Variants in DDX54 observed in about 807,000 individuals in gnomAD.
DDX54 encodes the protein DEAD-box helicase 54.
Under a neutral mutation model 105.5 loss-of-function variants are expected in DDX54, and 67 were observed. That is an observed-to-expected ratio of 0.64 (90% CI 0.52 to 0.78). The LOEUF is 0.78. DDX54 is among the 30% of genes least tolerant of loss of function. The pLI is 0.00. For missense variants in DDX54, 1,206 were observed against 1,230.5 expected (o/e 0.98, Z 0.30); for synonymous variants, 514 against 509.9 (o/e 1.01, Z -0.11).
chr12:113,169,729 A>G, intron 12 of DDX54, 41 bp downstream of exon 12: 12 of 1,601,494 alleles, frequency 7.5e-6, no homozygotes, highest in Non-Finnish European at 1.0e-5. Context: ...AGGGCCCATG[A>G]ACTCCACGGG....
chr12:113,162,040 C>T (rs1192462515), intron 17 of DDX54, 43 bp from the exon 18 acceptor site: 1 of 1,593,776 alleles, frequency 6.3e-7, no homozygotes, highest in East Asian at 2.2e-5. Flanking sequence ...GAGGGAAACC[C>T]TTGGAGTGCC....
At chr12:113,168,423 G>A (rs547451351) in intron 12 of DDX54, among the ~76,000 whole-genome samples, 16 of 152,342 alleles carry the variant, frequency 1.1e-4, no homozygotes, top group East Asian at 3.9e-4. Flanking sequence ...GTGTGCATGC[G>A]GGTAGGCCTG....
intron 1 of DDX54, 21 bp downstream of exon 1, chr12:113,185,257 G>A: frequency 6.6e-7 from 1 of 1,508,994 alleles, no homozygotes; most frequent in Non-Finnish European, 8.8e-7. Context: ...CCGAACATGC[G>A]TCCCAGCCCC....
chr12:113,167,423 A>C (rs776381671), intron 12 of DDX54, among the ~76,000 whole-genome samples: 1 of 152,154 alleles, frequency 6.6e-6, no homozygotes, highest in African/African-American at 2.4e-5. Flanking sequence ...ACAACAAAAG[A>C]AAAACAAAAA....
At chr12:113,178,865 A>C in intron 5 of DDX54, 112 bp downstream of exon 5, 1 of 1,408,070 alleles carries the variant, frequency 7.1e-7, no homozygotes, top group Non-Finnish European at 9.7e-7. Context: ...TTGAATGAGC[A>C]CAGAAGCTGC....
At position 113,169,884 on chromosome 12, in the gene DDX54, G is replaced by A. The variant is rs773369179; in HGVS notation, c.1300C>T (p.Arg434Ter). Residue 434 changes from arginine to a stop codon, truncating the protein, a stop_gained, in exon 12 of 20, where the codon CGA (arginine) becomes TGA (stop). Transcript: ENST00000306014. LOFTEE classifies it high-confidence loss of function. Reference protein sequence around the residue: ...HRVGRVARAGRSGTAYSLVAP... With the variant: ...HRVGRVARAG ...ACCAAGGAGTAGGCTGTGCCACTTCGGCCAGCCCGAGCCACACGGCCTGCA... is the reference window on the plus strand; with the variant it reads ...ACCAAGGAGTAGGCTGTGCCACTTCAGCCAGCCCGAGCCACACGGCCTGCA... The A allele has an allele frequency of 1.5e-5, 25 of 1,613,224 alleles. No individual in the cohort carries two copies. Among genetic ancestry groups the A allele is most frequent in the African/African-American group, 5.3e-5 (4 of 74,896 alleles).
chr12:113,184,663 A>C (rs2136330201), intron 1 of DDX54, among the ~76,000 whole-genome samples: 1 of 152,202 alleles, frequency 6.6e-6, no homozygotes, highest in South Asian at 2.1e-4. Flanking sequence ...CCGTCTCTAC[A>C]AAAAATTTAA....
intron 17 of DDX54, 151 bp from the exon 18 acceptor site, chr12:113,162,148 G>A (rs926199873): frequency 2.9e-6 from 2 of 688,194 alleles, no homozygotes; most frequent in Admixed American, 4.6e-5. Context: ...TGCAGTTGGC[G>A]CTCAATAAAG....
chr12:113,165,747 G>A (rs747248289), intron 13 of DDX54, 30 bp from the exon 14 acceptor site: 1 of 1,609,116 alleles, frequency 6.2e-7, no homozygotes, highest in Non-Finnish European at 8.5e-7. Flanking sequence ...GTGTGAGGCT[G>A]TGGGTGGGGT....
Position 113,185,325 on chromosome 12 carries a change from C to A in DDX54, c.127G>T (p.Asp43Tyr). The A allele has an allele frequency of 5.7e-6, 9 of 1,588,166 alleles. No individual in the cohort carries two copies. The highest frequency in any genetic ancestry group is 7.7e-6 in the Non-Finnish European group (9 of 1,170,812). Residue 43 changes from aspartate to tyrosine, a missense_variant, in exon 1 of 20, where the codon GAC becomes TAC. Asp to Tyr is a radical substitution (Grantham distance 160, BLOSUM62 -3). Transcript: ENST00000306014. ...ASQARGSDSE[D>Y]GEFEIQAEDD... Reference sequence around the variant, plus strand: ...TCCGCCTGGATCTCAAACTCGCCGTCCTCCGAGTCGCTGCCGCGGGCCTGG... The same window carrying A: ...TCCGCCTGGATCTCAAACTCGCCGTACTCCGAGTCGCTGCCGCGGGCCTGG...
At chr12:113,176,566 C>CATGA (rs1555253750) in intron 7 of DDX54, among the ~76,000 whole-genome samples, 17 of 152,098 alleles carry the variant, frequency 1.1e-4, no homozygotes, top group African/African-American at 3.6e-4. Flanking sequence ...GACTCTATCT[C>CATGA]ATAAATAAAT....
intron 2 of DDX54, among the ~76,000 whole-genome samples, 167 bp from the exon 3 acceptor site, chr12:113,180,172 G>C (rs1415185040): frequency 6.6e-5 from 10 of 152,260 alleles, no homozygotes; most frequent in African/African-American, 2.2e-4. Flanking sequence ...AGACAGATCT[G>C]ACTGGGGCAC....
chr12:113,170,746 T>C (rs1031927119), intron 11 of DDX54, among the ~76,000 whole-genome samples: 5 of 152,176 alleles, frequency 3.3e-5, no homozygotes, highest in African/African-American at 7.2e-5. Context: ...GCAGCAGAGA[T>C]GAACAGTTAT....
rs769038152 is a variant in DDX54 at position 113,179,338 on chromosome 12, A to G, written c.376-7T>C. 6.2e-7 allele frequency: 1 copy of G among 1,611,322 alleles called. No individual in the cohort carries two copies. The highest frequency in any genetic ancestry group is 1.1e-5 in the South Asian group (1 of 91,018). On this transcript the variant is annotated splice_polypyrimidine_tract_variant and splice_region_variant and intron_variant, in intron 3 of 19. Coordinates refer to ENST00000306014, the MANE Select transcript of DDX54 (RefSeq NM_024072.4). ...CCAAGATCACCGGGATGGTCTGGAG[A>G]GGCACAAGCAGGGAAGTCAAGGTCA...
At chr12:113,167,931 G>C (rs556857310) in intron 12 of DDX54, 1 of 511,982 alleles carries the variant, frequency 2.0e-6, no homozygotes, top group Admixed American at 2.0e-5. Flanking sequence ...GGGGCTGCCA[G>C]GTGGGGCTGT....
In DDX54 at chr12:113,185,319, C is replaced by T; in HGVS notation, c.133G>A (p.Glu45Lys). ...TCATCTTCCGCCTGGATCTCAAACTCGCCGTCCTCCGAGTCGCTGCCGCGG... is the reference window on the plus strand; with the variant it reads ...TCATCTTCCGCCTGGATCTCAAACTTGCCGTCCTCCGAGTCGCTGCCGCGG... The part of the protein sequence containing the change: ...QARGSDSEDG[E>K]FEIQAEDDAR... Residue 45 changes from glutamate (E) to lysine (K), a missense_variant, in exon 1 of 20, where the codon GAG becomes AAG. Coordinates refer to ENST00000306014, the MANE Select transcript of DDX54 (RefSeq NM_024072.4). 1 of 1,587,444 alleles carries T rather than the reference C, an allele frequency of 6.3e-7. No individual in the cohort carries two copies. The highest frequency in any genetic ancestry group is 8.5e-7 in the Non-Finnish European group (1 of 1,170,736).
intron 12 of DDX54, chr12:113,167,875 G>A (rs1270625404): frequency 4.1e-6 from 2 of 492,308 alleles, no homozygotes; most frequent in Non-Finnish European, 8.1e-6. Flanking sequence ...TCTGGCCCTG[G>A]GCGCAGGGTC....
At position 113,157,986 on chromosome 12, in the gene DDX54, A is replaced by C. The variant is rs1367495645; in HGVS notation, c.*891T>G. On this transcript the variant is annotated 3_prime_UTR_variant, in exon 20 of 20. Transcript: ENST00000306014. Reference sequence around the variant, plus strand: ...CCAGGGTGGTTGGGGCATGAAAAAAAACTCTTTGTCAGGTCTCAGAACAGG... The same window carrying C: ...CCAGGGTGGTTGGGGCATGAAAAAACACTCTTTGTCAGGTCTCAGAACAGG... The C allele has an allele frequency of 2.3e-6, 1 of 428,138 alleles. No homozygotes were observed. The highest frequency in any genetic ancestry group is 2.0e-5 in the African/African-American group (1 of 50,830). 26.5% of individuals were successfully genotyped at this position (428,138 alleles called of 1,614,324 possible). A position where few individuals can be genotyped will look rare whatever the true frequency, so the allele number is the denominator to read the frequency against.
In DDX54 at chr12:113,164,252, G is replaced by A. The variant is rs942751941; in HGVS notation, c.1753C>T (p.Leu585=). ...TTGGCGCGCATCACCTGGCTGCACA[G>A]GTCTCGGCTGGAGGCGTTGATCTCA... ...IFEINASSRD[L]CSQVMRAKRQ... is the part of the protein sequence containing the mutation. Residue 585 remains leucine, a synonymous_variant, in exon 15 of 20, where the codon CTG becomes TTG. Transcript: ENST00000306014. The A allele has an allele frequency of 6.3e-7, 1 of 1,596,230 alleles. No individual in the cohort carries two copies. The highest frequency in any genetic ancestry group is 8.5e-7 in the Non-Finnish European group (1 of 1,172,638).
Sources: allele counts gnomAD v4.1 joint callset (sites outside exome capture counted in the v4.1 genomes callset), GRCh38; gene constraint gnomAD v4.1.1; transcripts MANE v1.5; gene names NCBI Gene and HGNC (gene_info 2026-07-23, HGNC 2026-07-21).